Variants in RGS12 observed in about 807,000 individuals in gnomAD.
RGS12 encodes regulator of G protein signaling 12.
Under a neutral mutation model 120.1 loss-of-function variants are expected in RGS12, and 66 were observed. The ratio of observed to expected loss-of-function variants is 0.55; its 90% CI spans 0.45 to 0.67. The LOEUF is 0.67. RGS12 is among the 30% of genes least tolerant of loss of function. The probability of loss-of-function intolerance (pLI) is 0.00; values close to 1 mark genes in which losing one functional copy is unlikely to be tolerated. For missense variants in RGS12, 1,859 were observed against 1,957.7 expected, an observed-to-expected ratio of 0.95 and a Z score of 0.95; for synonymous variants, 827 against 804.7, an observed-to-expected ratio of 1.03 and a Z score of -0.47.
intron 3 of RGS12, among the ~76,000 whole-genome samples, chr4:3,350,947 A>G (rs999452904): frequency 6.6e-6 from 1 of 151,482 alleles, no homozygotes; most frequent in Non-Finnish European, 1.5e-5. Flanking sequence ...AAACAGAAAA[A>G]CATAGTAATA....
At chr4:3,290,397 C>T (rs937948768), upstream of RGS12, among the ~76,000 whole-genome samples, 1 of 152,184 alleles carries the variant, frequency 6.6e-6, no homozygotes, top group Non-Finnish European at 1.5e-5. Flanking sequence ...GCCCCTGCCA[C>T]CCACCCTTCT....
At chr4:3,437,169 C>T (rs1021461874) in intron 17 of RGS12, among the ~76,000 whole-genome samples, 1 of 152,174 alleles carries the variant, frequency 6.6e-6, no homozygotes, top group African/African-American at 2.4e-5. Context: ...AGGCCTGGGG[C>T]TGGCTGCCCT....
intron 3 of RGS12, among the ~76,000 whole-genome samples, chr4:3,382,449 G>C (rs1454321110): frequency 6.6e-6 from 1 of 152,306 alleles, no homozygotes; most frequent in South Asian, 2.1e-4. Context: ...ACTGGATGCT[G>C]TGCTGAGCCA....
At position 3,417,466 on chromosome 4, in the gene RGS12, G is replaced by A. The variant is rs758297073; in HGVS notation, c.2686G>A (p.Ala896Thr). 1.1e-5 allele frequency: 18 copies of A among 1,613,120 alleles called. No individual in the cohort carries two copies. Among genetic ancestry groups the A allele is most frequent in the African/African-American group, 8.0e-5 (6 of 74,900 alleles). Residue 896 changes from alanine to threonine, a missense_variant, in exon 9 of 18, where the codon GCG becomes ACG. This residue lies in a region of RGS12 where 375 missense variants were observed against 475.0 expected (regional missense o/e 0.79). Transcript: ENST00000336727. ...DEDSEKKRKG[A>T]FFSWSRTRST... ...GGACAGCGAGAAGAAGCGGAAAGGC[G>A]CGTTTTTCTCGTGGTCGCGGACCAG...
In RGS12 at chr4:3,317,249, G is replaced by A; in HGVS notation, c.1079G>A (p.Gly360Glu). Residue 360 changes from glycine to glutamate, a missense_variant, in exon 2 of 18, where the codon GGG becomes GAG. By Grantham distance (98) the Gly-to-Glu change is moderately conservative. Transcript: ENST00000336727. ...KIHQGIARRFGFECTADPDTN... is the reference protein window; with the variant it reads ...KIHQGIARRFEFECTADPDTN... ...CACCAAGGCATTGCTCGGCGGTTTG[G>A]GTTTGAGTGCACGGCCGACCCAGAC... 2 of 1,614,174 alleles carry A rather than the reference G, an allele frequency of 1.2e-6. No homozygotes were observed. The highest frequency in any genetic ancestry group is 1.1e-5 in the South Asian group (1 of 91,086).
At chr4:3,417,320 C>T (rs1722514651) in intron 8 of RGS12, 68 bp from the exon 9 acceptor site, 1 of 1,490,838 alleles carries the variant, frequency 6.7e-7, no homozygotes, top group Non-Finnish European at 9.0e-7. Context: ...AGTATTGCCT[C>T]CTTTGCACTT....
chr4:3,368,545 CGT>C (rs1436674146), intron 3 of RGS12, among the ~76,000 whole-genome samples: 1 of 69,928 alleles, frequency 1.4e-5, no homozygotes, highest in Non-Finnish European at 2.6e-5. Flanking sequence ...GTGTGGGGTA[CGT>C]GTGTGGGGTG....
chr4:3,361,761 G>T (rs1364849412), intron 3 of RGS12, among the ~76,000 whole-genome samples: 1 of 152,212 alleles, frequency 6.6e-6, no homozygotes, highest in Non-Finnish European at 1.5e-5. Context: ...GCCTGTTGAG[G>T]AAGGATGCAG....
At chr4:3,397,683 C>T (rs1262308890) in intron 4 of RGS12, among the ~76,000 whole-genome samples, 1 of 152,174 alleles carries the variant, frequency 6.6e-6, no homozygotes, top group Non-Finnish European at 1.5e-5. Context: ...GATGTTTATT[C>T]AAAATCTACT....
chr4:3,402,570 A>C (rs528728039), intron 4 of RGS12, among the ~76,000 whole-genome samples: 1 of 152,228 alleles, frequency 6.6e-6, no homozygotes, highest in South Asian at 2.1e-4. Flanking sequence ...GGAAGGGTTT[A>C]GGACCACTTT....
chr4:3,334,796 A>G (rs13435854), intron 2 of RGS12, among the ~76,000 whole-genome samples: 3,023 of 152,132 alleles, frequency 0.02, 99 homozygotes, highest in African/African-American at 0.07. Context: ...AATTGTTACT[A>G]TAAGTGGCAG....
In RGS12 at chr4:3,327,071, G is replaced by C. The variant is rs151034714; in HGVS notation, c.1881+9020G>C. Among the ~76,000 whole-genome samples, 822 of 152,320 alleles carry C rather than the reference G, an allele frequency of 5.4e-3. 7 individuals carry two copies. The highest frequency in any genetic ancestry group is 0.019 in the African/African-American group (798 of 41,578). On this transcript the variant is annotated intron_variant, in intron 2 of 17. Transcript: ENST00000336727. ...ACCTGACTTCAAATTATACAAGGCT[G>C]TAGTAACCAAAATAGCATGTTACTG...
intron 2 of RGS12, 60 bp from the exon 3 acceptor site, chr4:3,342,877 G>T (rs1170003301): frequency 1.7e-6 from 2 of 1,150,308 alleles, no homozygotes; most frequent in Non-Finnish European, 2.6e-6. Context: ...CCATGCATTG[G>T]ACAAGACTAA....
chr4:3,412,628 A>G (rs1208253729), intron 4 of RGS12, among the ~76,000 whole-genome samples: 1 of 152,238 alleles, frequency 6.6e-6, no homozygotes, highest in Non-Finnish European at 1.5e-5. Context: ...CAGGAGGGGA[A>G]CATAGCGTAT....
In RGS12 at chr4:3,420,530, G is replaced by C. The variant is rs1305014605; in HGVS notation, c.2762-112G>C. On this transcript the variant is annotated intron_variant, in intron 9 of 17. Transcript: ENST00000336727. Reference sequence around the variant, plus strand: ...GTGATGCCTGGTGGGGGATGGGTGGGGGGGGCTTCCTGGCGTCTGTCTGCT... The same window carrying C: ...GTGATGCCTGGTGGGGGATGGGTGGCGGGGGCTTCCTGGCGTCTGTCTGCT... The C allele has an allele frequency of 4.1e-6, 4 of 986,742 alleles. No homozygotes were observed. The African/African-American group carries it at 4.8e-5, about 12-fold the overall frequency. 61.1% of individuals were successfully genotyped at this position (986,742 alleles called of 1,614,324 possible).
chr4:3,301,201 C>T (rs538418438), intron 1 of RGS12, among the ~76,000 whole-genome samples: 64 of 152,288 alleles, frequency 4.2e-4, no homozygotes, highest in Middle Eastern at 3.4e-3. Context: ...TCCCGGCTGC[C>T]CTCCTCTGTT....
intron 6 of RGS12, among the ~76,000 whole-genome samples, chr4:3,415,538 G>T (rs1722287441): frequency 6.6e-6 from 1 of 152,194 alleles, no homozygotes; most frequent in African/African-American, 2.4e-5. Context: ...CGTGGGAGGT[G>T]CAGGAGAAGC....
At chr4:3,408,396 C>A (rs931655252) in intron 4 of RGS12, among the ~76,000 whole-genome samples, 2 of 152,158 alleles carry the variant, frequency 1.3e-5, no homozygotes, top group African/African-American at 4.8e-5. Context: ...TGTTGAGCCA[C>A]GTAGCAAAGA....
chr4:3,357,200 G>A (rs991047361), intron 3 of RGS12, among the ~76,000 whole-genome samples: 2 of 152,106 alleles, frequency 1.3e-5, no homozygotes, highest in African/African-American at 4.8e-5. Flanking sequence ...GTCTACTCAA[G>A]TCCTTTGCCC....
Sources: allele counts gnomAD v4.1 joint callset (sites outside exome capture counted in the v4.1 genomes callset), GRCh38; gene constraint gnomAD v4.1.1; regional missense constraint gnomAD v4.1.1; transcripts MANE v1.5; gene names NCBI Gene and HGNC (gene_info 2026-07-23, HGNC 2026-07-21).